ADAM32: variants seen among roughly 807,000 people sequenced by gnomAD.
The protein encoded by ADAM32 is disintegrin and metalloproteinase domain-containing protein 32.
In ADAM32, 89 loss-of-function variants were observed where a neutral mutation model predicts 114.9. The ratio of observed to expected loss-of-function variants is 0.77; its 90% CI spans 0.65 to 0.92. The LOEUF is 0.92. Ranked by LOEUF, ADAM32 falls within the 40% of genes least tolerant of loss-of-function variation. The pLI, the probability that ADAM32 is intolerant of heterozygous loss-of-function variation, is 0.00. For missense variants in ADAM32, 870 were observed against 932.8 expected (o/e 0.93, Z 0.88); for synonymous variants, 285 against 307.5 (o/e 0.93, Z 0.77).
chr8:39,171,526 C>T (rs1278731253), intron 10 of ADAM32, among the ~76,000 whole-genome samples: 1 of 151,946 alleles, frequency 6.6e-6, no homozygotes, highest in Non-Finnish European at 1.5e-5. Context: ...ATTTCTAATA[C>T]TTAAACATTT....
In ADAM32 at chr8:39,211,277, A is replaced by G. The variant is rs750803198; in HGVS notation, c.1186A>G (p.Asn396Asp). Reference protein sequence around the residue: ...QKKSPKPVCGNGRLEGNEICD... With the variant: ...QKKSPKPVCGDGRLEGNEICD... ...AAAATCTCCGAAACCAGTCTGTGGC[A>G]ATGGCAGATTGGAGGGAAATGAAAT... Residue 396 changes from asparagine to aspartate, a missense_variant, in exon 12 of 25, where the codon AAT becomes GAT. Asn to Asp is a conservative substitution (Grantham distance 23, BLOSUM62 1). Coordinates refer to ENST00000379907, the MANE Select transcript of ADAM32 (RefSeq NM_145004.7). 49 of 1,594,882 alleles carry G rather than the reference A, an allele frequency of 3.1e-5. No individual in the cohort carries two copies. Among genetic ancestry groups the G allele is most frequent in the Non-Finnish European group, 3.7e-5 (43 of 1,170,704 alleles).
intron 19 of ADAM32, among the ~76,000 whole-genome samples, chr8:39,265,215 T>G (rs1812280900): frequency 6.6e-6 from 1 of 152,236 alleles, no homozygotes; most frequent in Non-Finnish European, 1.5e-5. Flanking sequence ...GATCATTAAG[T>G]CTTCTTGTTG....
At chr8:39,107,942 C>T in intron 1 of ADAM32, 109 bp downstream of exon 1, 1 of 1,367,982 alleles carries the variant, frequency 7.3e-7, no homozygotes, top group East Asian at 2.8e-5. Context: ...TCCTGTCACC[C>T]TGGCAACGGG....
chr8:39,121,979 T>C (rs1278646833), intron 2 of ADAM32, among the ~76,000 whole-genome samples: 2 of 152,232 alleles, frequency 1.3e-5, no homozygotes, highest in Non-Finnish European at 2.9e-5. Flanking sequence ...CTTTCTTTTT[T>C]TCTGGTTTCT....
At chr8:39,118,190 A>C in intron 2 of ADAM32, 25 bp downstream of exon 2, 2 of 1,293,172 alleles carry the variant, frequency 1.5e-6, no homozygotes, top group Non-Finnish European at 2.1e-6. Flanking sequence ...TTCACAATCT[A>C]AATGTTTATA....
chr8:39,212,310 G>A (rs2129448395), intron 12 of ADAM32, among the ~76,000 whole-genome samples: 1 of 152,090 alleles, frequency 6.6e-6, no homozygotes, highest in South Asian at 2.1e-4. Context: ...TACCACACCT[G>A]GTTCTTGATT....
intron 2 of ADAM32, chr8:39,130,087 T>C (rs2129444782): frequency 5.0e-6 from 1 of 198,410 alleles, no homozygotes; most frequent in Admixed American, 5.6e-5. Context: ...CCCAAGTAAC[T>C]GGGATTACAG....
chr8:39,111,541 GC>G (rs1249696655), intron 1 of ADAM32, among the ~76,000 whole-genome samples: 1 of 151,948 alleles, frequency 6.6e-6, no homozygotes, highest in Non-Finnish European at 1.5e-5. Context: ...TTCAGGACCA[GC>G]CTGGCCATGG....
chr8:39,181,581 AACATCTTCCT>A (rs1160806636), intron 10 of ADAM32, among the ~76,000 whole-genome samples: 1 of 152,212 alleles, frequency 6.6e-6, no homozygotes, highest in Non-Finnish European at 1.5e-5. Context: ...TCTTTGTCCT[AACATCTTCCT>A]ACCTCAGCAT....
intron 20 of ADAM32, among the ~76,000 whole-genome samples, chr8:39,273,844 G>A (rs987759037): frequency 6.6e-6 from 1 of 152,082 alleles, no homozygotes; most frequent in Non-Finnish European, 1.5e-5. Flanking sequence ...GAATGGAAAG[G>A]GAAAATTGTT....
intron 19 of ADAM32, among the ~76,000 whole-genome samples, chr8:39,268,113 C>T (rs182731480): frequency 6.6e-6 from 1 of 152,174 alleles, no homozygotes; most frequent in African/African-American, 2.4e-5. Flanking sequence ...TGGTTAATAC[C>T]CAGGAATAGA....
chr8:39,259,516 T>G (rs1319190143), intron 19 of ADAM32, among the ~76,000 whole-genome samples: 1 of 152,186 alleles, frequency 6.6e-6, no homozygotes, highest in African/African-American at 2.4e-5. Context: ...TTTTAGTATT[T>G]GTAGTTAATG....
intron 2 of ADAM32, chr8:39,132,034 CAGG>C (rs1802493768): frequency 3.7e-6 from 1 of 272,668 alleles, no homozygotes; most frequent in Non-Finnish European, 7.7e-6. Context: ...GTTGGGATTA[CAGG>C]CATGCACCAC....
intron 12 of ADAM32, among the ~76,000 whole-genome samples, chr8:39,219,765 G>C (rs1048904536): frequency 2.6e-5 from 4 of 152,086 alleles, no homozygotes; most frequent in Admixed American, 6.6e-5. Flanking sequence ...ATATCTTCTT[G>C]GTATTGATTT....
intron 16 of ADAM32, among the ~76,000 whole-genome samples, chr8:39,235,643 G>T (rs994149084): frequency 1.3e-4 from 20 of 151,916 alleles, no homozygotes; most frequent in African/African-American, 4.4e-4. Context: ...AATTTTACTG[G>T]GTAGTTTTTA....
chr8:39,136,599 G>A, intron 2 of ADAM32, 58 bp from the exon 3 acceptor site: 1 of 1,099,182 alleles, frequency 9.1e-7, no homozygotes, highest in Non-Finnish European at 1.3e-6. Context: ...ATATAAAACT[G>A]TTGTTTTGCT....
Position 39,265,917 on chromosome 8 carries a change from A to T in ADAM32, c.2163-4959A>T, listed in dbSNP as rs796320962. 5.3e-5 allele frequency among the ~76,000 whole-genome samples: 8 copies of T among 152,320 alleles called. 1 individual carries two copies. The highest frequency in any genetic ancestry group is 1.7e-4 in the African/African-American group (7 of 41,568). On this transcript the variant is annotated intron_variant, in intron 19 of 24. Coordinates refer to ENST00000379907, the MANE Select transcript of ADAM32 (RefSeq NM_145004.7). ...AAAATATTTTATTTTTCCTCTGCTTATGAAGCTTAGTTTGGCTGGATATAC... is the reference window on the plus strand; with the variant it reads ...AAAATATTTTATTTTTCCTCTGCTTTTGAAGCTTAGTTTGGCTGGATATAC...
intron 19 of ADAM32, among the ~76,000 whole-genome samples, chr8:39,257,783 A>G (rs528577482): frequency 2.6e-5 from 4 of 152,266 alleles, no homozygotes; most frequent in African/African-American, 9.6e-5. Context: ...TTTGTAATTT[A>G]GATTATTACA....
At chr8:39,262,753 G>C (rs896442713) in intron 19 of ADAM32, among the ~76,000 whole-genome samples, 1 of 151,680 alleles carries the variant, frequency 6.6e-6, no homozygotes, top group South Asian at 2.1e-4. Context: ...TGTCGCCCAG[G>C]CTGGAGTGCA....
Sources: allele counts gnomAD v4.1 joint callset (sites outside exome capture counted in the v4.1 genomes callset), GRCh38; gene constraint gnomAD v4.1.1; transcripts MANE v1.5; gene names NCBI Gene and HGNC (gene_info 2026-07-23, HGNC 2026-07-21).